ST18: variants seen among roughly 807,000 people sequenced by gnomAD.
The protein encoded by ST18 is suppression of tumorigenicity 18 protein.
In ST18, 50 loss-of-function variants were observed where a neutral mutation model predicts 110.0. The observed-to-expected ratio is 0.45, with a 90% CI of 0.36 to 0.58. The LOEUF (loss-of-function observed/expected upper bound fraction) is 0.58, where lower values mean the gene tolerates loss of function less well. Among genes scored for constraint, ST18 ranks in the 20% least tolerant of loss-of-function variants. The pLI is 0.00. For synonymous variants in ST18, 461 were observed against 452.4 expected (o/e 1.02, Z -0.24); for missense variants, 1,306 against 1,280.1 (o/e 1.02, Z -0.31).
At chr8:52,206,512 C>G (rs2080135644) in intron 8 of ST18, 1 of 152,228 alleles carries the variant, frequency 6.6e-6, no homozygotes, top group South Asian at 2.1e-4. Flanking sequence ...GTGAGGCCTC[C>G]AGCCTCATGT....
chr8:52,209,401 A>G (rs1448517261), intron 8 of ST18, among the ~76,000 whole-genome samples: 1 of 152,152 alleles, frequency 6.6e-6, no homozygotes, highest in Non-Finnish European at 1.5e-5. Flanking sequence ...CTGCCTAATA[A>G]GGCTATCGGG....
At chr8:52,305,294 T>C (rs1262211118) in intron 2 of ST18, among the ~76,000 whole-genome samples, 1 of 152,210 alleles carries the variant, frequency 6.6e-6, no homozygotes, top group Admixed American at 6.5e-5. Flanking sequence ...AAAACTTTGC[T>C]TTTCTTCCCA....
chr8:52,271,407 A>G (rs1325286333), intron 2 of ST18, among the ~76,000 whole-genome samples: 1 of 152,134 alleles, frequency 6.6e-6, no homozygotes, highest in Non-Finnish European at 1.5e-5. Context: ...TCACCAAGGC[A>G]TTATTCCTTG....
At chr8:52,228,561 C>G (rs528140504) in intron 3 of ST18, among the ~76,000 whole-genome samples, 6 of 151,990 alleles carry the variant, frequency 3.9e-5, no homozygotes, top group Non-Finnish European at 7.4e-5. Flanking sequence ...AATGGTGAGG[C>G]GGCACAGTAG....
chr8:52,327,242 C>G (rs896810042), intron 2 of ST18, among the ~76,000 whole-genome samples: 40 of 152,202 alleles, frequency 2.6e-4, no homozygotes, highest in African/African-American at 8.9e-4. Context: ...TTCTCCCATA[C>G]CAATGGGATG....
intron 2 of ST18, among the ~76,000 whole-genome samples, chr8:52,280,388 T>C (rs1427835370): frequency 6.6e-6 from 1 of 152,084 alleles, no homozygotes; most frequent in Non-Finnish European, 1.5e-5. Flanking sequence ...TAAATCTTTA[T>C]AATCTATGTA....
chr8:52,234,051 T>A (rs1364359506), intron 2 of ST18, among the ~76,000 whole-genome samples: 2 of 152,196 alleles, frequency 1.3e-5, no homozygotes, highest in Non-Finnish European at 2.9e-5. Flanking sequence ...CTATGTCCAA[T>A]CCTTCTTGGT....
At chr8:52,310,702 C>A (rs112995444) in intron 2 of ST18, among the ~76,000 whole-genome samples, 1 of 152,166 alleles carries the variant, frequency 6.6e-6, no homozygotes, top group Non-Finnish European at 1.5e-5. Context: ...CTGTTCCCAA[C>A]CTTCTCTTCC....
Position 52,179,111 on chromosome 8 carries a change from A to T in ST18, c.277+1011T>A, listed in dbSNP as rs373995762. On this transcript the variant is annotated intron_variant, in intron 9 of 25. Transcript: ENST00000689386. ...CCTTTAAAATTCACATTCAGAAAAAAATCATGTTTAGTAGAATATACATCT... is the reference window on the plus strand; with the variant it reads ...CCTTTAAAATTCACATTCAGAAAAATATCATGTTTAGTAGAATATACATCT... Among the ~76,000 whole-genome samples, 24 of 152,304 alleles carry T rather than the reference A, an allele frequency of 1.6e-4. No individual in the cohort carries two copies. The East Asian group carries it at 2.1e-3, about 13-fold the overall frequency.
chr8:52,190,997 A>C (rs1342407204), intron 8 of ST18, among the ~76,000 whole-genome samples: 1 of 152,184 alleles, frequency 6.6e-6, no homozygotes, highest in Non-Finnish European at 1.5e-5. Flanking sequence ...CTGGGAAGGA[A>C]GCATAATATC....
intron 14 of ST18, among the ~76,000 whole-genome samples, chr8:52,159,817 G>A (rs2060958972): frequency 6.6e-6 from 1 of 152,154 alleles, no homozygotes; most frequent in Non-Finnish European, 1.5e-5. Context: ...TGTTTCTGTT[G>A]TGGGTACCAA....
At chr8:52,255,937 G>A (rs975510761) in intron 2 of ST18, among the ~76,000 whole-genome samples, 40 of 152,162 alleles carry the variant, frequency 2.6e-4, no homozygotes, top group Admixed American at 2.5e-3. Flanking sequence ...CAGTGTTTTG[G>A]TTTTTTGAGA....
intron 2 of ST18, among the ~76,000 whole-genome samples, chr8:52,290,564 G>A (rs1370051484): frequency 2.6e-5 from 4 of 152,164 alleles, no homozygotes; most frequent in East Asian, 1.9e-4. Context: ...TCCTCAATGC[G>A]TTGATTGGCT....
chr8:52,377,698 C>T (rs1832937710), intron 2 of ST18, among the ~76,000 whole-genome samples: 1 of 152,146 alleles, frequency 6.6e-6, no homozygotes, highest in African/African-American at 2.4e-5. Context: ...TGTGGAGGTT[C>T]TTCAAATACT....
intron 2 of ST18, among the ~76,000 whole-genome samples, chr8:52,324,568 G>A (rs1805452750): frequency 1.3e-5 from 2 of 152,174 alleles, no homozygotes; most frequent in South Asian, 4.1e-4. Flanking sequence ...AACTAGTGAT[G>A]AGCACTGACT....
chr8:52,392,735 C>T (rs1436095890), intron 2 of ST18, among the ~76,000 whole-genome samples: 1 of 152,106 alleles, frequency 6.6e-6, no homozygotes, highest in African/African-American at 2.4e-5. Context: ...GTTAAAACAC[C>T]CTCTAGAGGT....
At chr8:52,187,251 T>C (rs1210204893) in intron 8 of ST18, among the ~76,000 whole-genome samples, 1 of 152,228 alleles carries the variant, frequency 6.6e-6, no homozygotes, top group Admixed American at 6.5e-5. Flanking sequence ...CTCTAAATTA[T>C]TTACATGTAT....
At chr8:52,364,356 G>A (rs1044893224) in intron 2 of ST18, among the ~76,000 whole-genome samples, 3 of 152,172 alleles carry the variant, frequency 2.0e-5, no homozygotes, top group South Asian at 2.1e-4. Flanking sequence ...TGGTTAATAG[G>A]AGAGTGGGAG....
At chr8:52,257,431 C>A (rs1160768655) in intron 2 of ST18, among the ~76,000 whole-genome samples, 1 of 152,084 alleles carries the variant, frequency 6.6e-6, no homozygotes, top group South Asian at 2.1e-4. Flanking sequence ...TTCTCTCTAT[C>A]CTCACCAACA....
Sources: gnomAD v4.1 joint callset for allele counts (sites outside exome capture counted in the v4.1 genomes callset) on GRCh38, gnomAD v4.1.1 for gene constraint, MANE v1.5 for transcripts, NCBI Gene and HGNC (gene_info 2026-07-23, HGNC 2026-07-21) for gene names.